Variants in GRK3 observed in about 807,000 individuals in gnomAD.
GRK3 encodes the protein adrenergic, beta, receptor kinase 2.
A neutral mutation model predicts 95.7 loss-of-function variants in GRK3; 54 were observed. The ratio of observed to expected loss-of-function variants is 0.56; its 90% confidence interval spans 0.45 to 0.71. The LOEUF (loss-of-function observed/expected upper bound fraction) is 0.71. Ranked by LOEUF, GRK3 falls within the 30% of genes least tolerant of loss-of-function variation. The pLI, the probability that GRK3 is intolerant of heterozygous loss-of-function variation, is 0.00. For synonymous variants in GRK3, 281 were observed against 290.8 expected, an observed-to-expected ratio of 0.97 and a Z score of 0.34; for missense variants, 649 against 851.2, an observed-to-expected ratio of 0.76 and a Z score of 2.96.
chr22:25,649,305 A>T (rs2084810913), intron 3 of GRK3: 1 of 768,572 alleles, frequency 1.3e-6, no homozygotes, highest in Admixed American at 2.3e-5. Flanking sequence ...TTCTACAGGG[A>T]TCAAAAGAAG....
At chr22:25,649,858 C>T (rs2084815648) in intron 3 of GRK3, among the ~76,000 whole-genome samples, 1 of 152,090 alleles carries the variant, frequency 6.6e-6, no homozygotes, top group Non-Finnish European at 1.5e-5. Flanking sequence ...AAGTATAATG[C>T]AGTACGTTAA....
chr22:25,678,274 G>GA, intron 8 of GRK3, among the ~76,000 whole-genome samples: 1 of 152,106 alleles, frequency 6.6e-6, no homozygotes, highest in Non-Finnish European at 1.5e-5. Context: ...CTAACACGGT[G>GA]AAACCCCATC....
intron 4 of GRK3, among the ~76,000 whole-genome samples, chr22:25,662,882 G>A (rs914639542): frequency 3.9e-5 from 6 of 152,126 alleles, no homozygotes; most frequent in African/African-American, 1.4e-4. Context: ...GAGAGGGGAG[G>A]ATACCATTTT....
chr22:25,644,560 C>T (rs748058357), intron 2 of GRK3, 32 bp from the exon 3 acceptor site: 4 of 1,108,250 alleles, frequency 3.6e-6, no homozygotes, highest in Non-Finnish European at 4.0e-6. Flanking sequence ...AATTAATTGC[C>T]CACCCTGAAA....
At chr22:25,709,316 C>T (rs1321379027) in intron 15 of GRK3, among the ~76,000 whole-genome samples, 2 of 151,954 alleles carry the variant, frequency 1.3e-5, no homozygotes, top group African/African-American at 2.4e-5. Context: ...GGATTACAGG[C>T]GTGAGCCACC....
chr22:25,728,345 G>C lies in GRK3; in HGVS notation c.*5895G>C, dbSNP rs550709202. 4.6e-5 allele frequency: 7 copies of C among 152,260 alleles called. No homozygotes were observed. Among genetic ancestry groups the C allele is most frequent in the Admixed American group, 4.6e-4 (7 of 15,288 alleles). The allele number at this position is 152,260 out of a possible 1,614,324, so 9.4% of individuals were successfully genotyped here. On this transcript the variant is annotated 3_prime_UTR_variant, in exon 21 of 21. Transcript: ENST00000324198. ...GGCTTCTTGCTTGTTGACAAGTACCGCAAAGGCTTTATTCTGGACTGGCTA... is the reference window on the plus strand; with the variant it reads ...GGCTTCTTGCTTGTTGACAAGTACCCCAAAGGCTTTATTCTGGACTGGCTA...
At chr22:25,648,350 CA>C (rs1427846623) in intron 3 of GRK3, 1 of 1,287,244 alleles carries the variant, frequency 7.8e-7, no homozygotes, top group Admixed American at 1.7e-5. Context: ...GTTTATGCCA[CA>C]AGTTAACAAC....
chr22:25,673,866 G>A (rs2085004766), intron 7 of GRK3, among the ~76,000 whole-genome samples: 1 of 151,774 alleles, frequency 6.6e-6, no homozygotes, highest in African/African-American at 2.4e-5. Flanking sequence ...CTCACATTTA[G>A]CCTTGTTTCA....
At chr22:25,721,478 T>C in intron 20 of GRK3, 81 bp downstream of exon 20, 1 of 801,284 alleles carries the variant, frequency 1.2e-6, no homozygotes, top group Non-Finnish European at 2.1e-6. Flanking sequence ...TAAAACATTT[T>C]CTTATGCCAT....
chr22:25,699,800 G>A (rs1330810376), intron 13 of GRK3, among the ~76,000 whole-genome samples: 1 of 149,328 alleles, frequency 6.7e-6, no homozygotes, highest in African/African-American at 2.5e-5. Flanking sequence ...ACGGATTCAC[G>A]CCATTCTCCT....
intron 8 of GRK3, among the ~76,000 whole-genome samples, chr22:25,677,826 CCT>C (rs1228037979): frequency 6.6e-6 from 1 of 152,110 alleles, no homozygotes; most frequent in East Asian, 1.9e-4. Context: ...GCAAGAATTC[CCT>C]TTTAGCCTTC....
At chr22:25,705,076 A>G (rs953075524) in intron 15 of GRK3, among the ~76,000 whole-genome samples, 2 of 152,222 alleles carry the variant, frequency 1.3e-5, no homozygotes, top group African/African-American at 4.8e-5. Context: ...TGCATATTAT[A>G]CATATAAGCA....
At chr22:25,710,224 A>G (rs952201421) in intron 16 of GRK3, among the ~76,000 whole-genome samples, 1 of 152,190 alleles carries the variant, frequency 6.6e-6, no homozygotes, top group Non-Finnish European at 1.5e-5. Context: ...AATATCTCCT[A>G]TATCAACTAA....
At chr22:25,572,749 G>A (rs1931750362) in intron 1 of GRK3, among the ~76,000 whole-genome samples, 1 of 152,174 alleles carries the variant, frequency 6.6e-6, no homozygotes, top group Admixed American at 6.5e-5. Flanking sequence ...ATTCTTTAGA[G>A]GTTTTTGTTT....
At chr22:25,661,119 C>T (rs1005588381) in intron 3 of GRK3, among the ~76,000 whole-genome samples, 1 of 152,136 alleles carries the variant, frequency 6.6e-6, no homozygotes, top group African/African-American at 2.4e-5. Flanking sequence ...AATCTCTTTG[C>T]AGGAATTCTG....
At chr22:25,700,732 C>G (rs1212483106) in intron 13 of GRK3, among the ~76,000 whole-genome samples, 1 of 152,124 alleles carries the variant, frequency 6.6e-6, no homozygotes, top group African/African-American at 2.4e-5. Context: ...GGACTACAGG[C>G]TCCCGCCACC....
intron 3 of GRK3, among the ~76,000 whole-genome samples, chr22:25,659,256 C>T (rs972830179): frequency 2.0e-5 from 3 of 152,118 alleles, no homozygotes; most frequent in Non-Finnish European, 4.4e-5. Flanking sequence ...CAGTGGACAA[C>T]TGATTTGAAT....
chr22:25,687,452 C>A, intron 10 of GRK3, 85 bp from the exon 11 acceptor site: 1 of 1,446,796 alleles, frequency 6.9e-7, no homozygotes, highest in Non-Finnish European at 9.4e-7. Flanking sequence ...CCTTTTTCTG[C>A]TGAGTCCTGA....
intron 1 of GRK3, among the ~76,000 whole-genome samples, chr22:25,568,026 C>T (rs1468704249): frequency 6.6e-6 from 1 of 152,174 alleles, no homozygotes; most frequent in Non-Finnish European, 1.5e-5. Context: ...GACTGTTTGT[C>T]CAAATGGTAT....
Sources: allele counts gnomAD v4.1 joint callset (sites outside exome capture counted in the v4.1 genomes callset), GRCh38; gene constraint gnomAD v4.1.1; transcripts MANE v1.5; gene names NCBI Gene and HGNC (gene_info 2026-07-23, HGNC 2026-07-21).